Variants in KLHL13 observed in about 807,000 individuals in gnomAD.
The protein encoded by KLHL13 is kelch-like protein 13.
A neutral mutation model predicts 37.1 loss-of-function variants in KLHL13; 10 were observed. The ratio of observed to expected loss-of-function variants is 0.27; its 90% CI spans 0.17 to 0.46. The LOEUF (loss-of-function observed/expected upper bound fraction) is 0.46, where lower values mean the gene tolerates loss of function less well. Among genes scored for constraint, KLHL13 ranks in the 20% least tolerant of loss-of-function variants. The pLI, the probability that KLHL13 is intolerant of heterozygous loss-of-function variation, is 1.00. For missense variants in KLHL13, 360 were observed against 509.3 expected, an observed-to-expected ratio of 0.71 and a Z score of 2.82; for synonymous variants, 163 against 181.2, an observed-to-expected ratio of 0.90 and a Z score of 0.81.
chrX:118,021,324 T>G (rs2054207797), intron 1 of KLHL13, among the ~76,000 whole-genome samples: 1 of 104,789 alleles, frequency 9.5e-6, no homozygotes, highest in African/African-American at 3.5e-5. Flanking sequence ...TGTGCCATGT[T>G]GGTTTGCTGC....
intron 1 of KLHL13, among the ~76,000 whole-genome samples, chrX:118,055,784 A>T (rs2148082128): frequency 8.9e-6 from 1 of 111,749 alleles, no homozygotes; most frequent in East Asian, 2.8e-4. Flanking sequence ...AATTTAATGT[A>T]ATATTTTTAA....
intron 5 of KLHL13, among the ~76,000 whole-genome samples, chrX:117,903,430 G>A (rs1400064598): frequency 9.0e-6 from 1 of 110,975 alleles, no homozygotes; most frequent in Non-Finnish European, 1.9e-5. Flanking sequence ...TTTAGGCCTG[G>A]ATCCTTGCCA....
intron 1 of KLHL13, among the ~76,000 whole-genome samples, chrX:118,005,916 AAAC>A (rs970605933): frequency 6.2e-5 from 7 of 112,401 alleles, no homozygotes; most frequent in Admixed American, 4.7e-4. Flanking sequence ...TTTCTAGGGA[AAAC>A]AACAACTGAG....
Position 118,025,592 on chromosome X carries a change from A to G in KLHL13, c.-55-80017T>C, listed in dbSNP as rs185692032. Among the ~76,000 whole-genome samples the G allele has an allele frequency of 3.6e-5, 4 of 111,521 alleles. No individual in the cohort carries two copies. The East Asian group carries it at 1.1e-3, about 31-fold the overall frequency. On this transcript the variant is annotated intron_variant, in intron 1 of 6. Transcript: ENST00000371882. Reference sequence around the variant, plus strand: ...GAATAGTGATACTGGTGACTTGGATATATCAAAGAGAAGCCATAAAGGGTT... The same window carrying G: ...GAATAGTGATACTGGTGACTTGGATGTATCAAAGAGAAGCCATAAAGGGTT...
chrX:118,104,271 C>A (rs1312665942), intron 1 of KLHL13, among the ~76,000 whole-genome samples: 3 of 109,655 alleles, frequency 2.7e-5, no homozygotes, highest in African/African-American at 1.0e-4. Context: ...ATGCCCCAGC[C>A]AAAAAAAATG....
intron 1 of KLHL13, among the ~76,000 whole-genome samples, chrX:118,103,943 G>A (rs1479920308): frequency 2.8e-5 from 3 of 106,188 alleles, no homozygotes; most frequent in Non-Finnish European, 5.8e-5. Flanking sequence ...ACATGCAGTC[G>A]CTCACACCTG....
chrX:117,898,174 CCACT>C (rs931563127), exon 7 of KLHL13: 1 of 111,280 alleles, frequency 9.0e-6, no homozygotes, highest in African/African-American at 3.3e-5. Context: ...CTTTGATGTG[CCACT>C]CAATTTTTAA....
chrX:118,022,039 G>A (rs2054221784), intron 1 of KLHL13, among the ~76,000 whole-genome samples: 1 of 112,057 alleles, frequency 8.9e-6, no homozygotes. Flanking sequence ...GTCTTCTTTT[G>A]AGAAGTGTCT....
rs756172596 is a variant in KLHL13 at position 118,070,775 on chromosome X, C to CT, written c.-56+45732dup. On this transcript the variant is annotated intron_variant, in intron 1 of 6. Transcript: ENST00000371882. ...ATTTATTTATTTATTTATTATTATA[C>CT]TTTAAGTTTTAGGGTACATGTGCAC... Among the ~76,000 whole-genome samples the CT allele has an allele frequency of 9.4e-3, 973 of 103,677 alleles. 9 individuals are homozygous for CT. The highest frequency in any genetic ancestry group is 0.034 in the African/African-American group (905 of 26,233). 90.0% of individuals were successfully genotyped at this position (103,677 alleles called of 115,157 possible).
chrX:118,011,490 C>T (rs1602648576), intron 1 of KLHL13, among the ~76,000 whole-genome samples: 1 of 105,474 alleles, frequency 9.5e-6, no homozygotes, highest in Non-Finnish European at 1.9e-5. Flanking sequence ...AAAAAAAAAA[C>T]AGATTAGAAG....
intron 1 of KLHL13, among the ~76,000 whole-genome samples, chrX:118,082,267 C>T (rs965818239): frequency 2.7e-5 from 3 of 110,651 alleles, no homozygotes; most frequent in African/African-American, 9.9e-5. Flanking sequence ...TCATCCCCAG[C>T]ATTTATTTCA....
intron 1 of KLHL13, among the ~76,000 whole-genome samples, chrX:118,032,934 C>T (rs1471619407): frequency 2.7e-5 from 3 of 111,326 alleles, no homozygotes; most frequent in African/African-American, 6.6e-5. Context: ...TTGAGAACTA[C>T]GTGAAGAATG....
chrX:118,011,359 C>T (rs772180497), intron 1 of KLHL13, among the ~76,000 whole-genome samples: 25 of 109,066 alleles, frequency 2.3e-4, no homozygotes, highest in Non-Finnish European at 4.4e-4. Flanking sequence ...CACTGGCAGC[C>T]ACTGAAGAAA....
At chrX:118,071,550 T>A (rs1434786378) in intron 1 of KLHL13, among the ~76,000 whole-genome samples, 1 of 111,799 alleles carries the variant, frequency 8.9e-6, no homozygotes, top group Non-Finnish European at 1.9e-5. Flanking sequence ...GCTGCATAAA[T>A]GTCTTCTTTT....
In KLHL13 at chrX:118,031,699, T is replaced by C. The variant is rs895979813; in HGVS notation, c.-56+84809A>G. Among the ~76,000 whole-genome samples, 7 of 103,364 alleles carry C rather than the reference T, an allele frequency of 6.8e-5. No individual in the cohort carries two copies. The Admixed American group carries it at 7.7e-4, about 11-fold the overall frequency. The allele number at this position is 103,364 out of a possible 115,157, so 89.8% of individuals were successfully genotyped here. A position where few individuals can be genotyped will look rare whatever the true frequency, so the allele number is the denominator to read the frequency against. ...AACTAAAATTTTTAGCCAGATCATA[T>C]ATATAGACAAATATATATTTGAAAA... is the stretch of plus-strand genomic sequence containing the variant. On this transcript the variant is annotated intron_variant, in intron 1 of 6. Transcript: ENST00000371882.
chrX:118,035,507 A>C (rs2054426499), intron 1 of KLHL13, among the ~76,000 whole-genome samples: 2 of 109,395 alleles, frequency 1.8e-5, no homozygotes, highest in African/African-American at 3.5e-5. Flanking sequence ...GATTATCTCA[A>C]AAGATGCAGA....
chrX:117,998,123 A>G (rs191322678), intron 1 of KLHL13, among the ~76,000 whole-genome samples: 12 of 112,074 alleles, frequency 1.1e-4, no homozygotes, highest in African/African-American at 3.9e-4. Flanking sequence ...CTCACAGTTA[A>G]GGTGGTGGGA....
intron 1 of KLHL13, among the ~76,000 whole-genome samples, chrX:118,070,886 C>T (rs2054853290): frequency 1.8e-5 from 2 of 109,139 alleles, no homozygotes; most frequent in African/African-American, 6.7e-5. Flanking sequence ...AGGTATATCC[C>T]CCAATGCTAT....
At chrX:118,100,707 A>G (rs2055278607) in intron 1 of KLHL13, among the ~76,000 whole-genome samples, 1 of 110,832 alleles carries the variant, frequency 9.0e-6, no homozygotes, top group Admixed American at 9.6e-5. Context: ...TTCTGGCCCA[A>G]TTTTTCTGTA....
Sources: allele counts gnomAD v4.1 joint callset (sites outside exome capture counted in the v4.1 genomes callset), GRCh38; gene constraint gnomAD v4.1.1; transcripts MANE v1.5; gene names NCBI Gene and HGNC (gene_info 2026-07-23, HGNC 2026-07-21).